The following RNF17 variants were observed in gnomAD, a reference collection of about 807,000 sequenced individuals.
RNF17 encodes spermatogenesis associated 23.
RNF17 carries 31 observed loss-of-function variants against 200.5 expected under a neutral mutation model. The ratio of observed to expected loss-of-function variants is 0.15; its 90% CI spans 0.12 to 0.21. The LOEUF is 0.21. Among genes scored for constraint, RNF17 ranks in the 10% least tolerant of loss-of-function variants. The pLI, the probability that RNF17 is intolerant of heterozygous loss-of-function variation, is 1.00. For missense variants in RNF17, 1,628 were observed against 1,905.1 expected (o/e 0.85, Z 2.71); for synonymous variants, 606 against 637.8 (o/e 0.95, Z 0.75).
At chr13:24,858,736 A>C (rs1343460539) in intron 25 of RNF17, among the ~76,000 whole-genome samples, 2 of 152,110 alleles carry the variant, frequency 1.3e-5, no homozygotes, top group Non-Finnish European at 2.9e-5. Context: ...AACTGACCCT[A>C]TTTTGAATTG....
At chr13:24,848,339 C>G (rs1226574481) in intron 22 of RNF17, among the ~76,000 whole-genome samples, 2 of 152,024 alleles carry the variant, frequency 1.3e-5, no homozygotes. Flanking sequence ...ACCCTTTTAC[C>G]ATTCTTAAGT....
At chr13:24,768,287 C>T (rs369060895) in intron 2 of RNF17, among the ~76,000 whole-genome samples, 4 of 136,284 alleles carry the variant, frequency 2.9e-5, no homozygotes, top group East Asian at 4.2e-4. Flanking sequence ...CTGTAAATTC[C>T]TTTTTTTTTT....
At chr13:24,829,115 C>A (rs1889100430) in intron 16 of RNF17, among the ~76,000 whole-genome samples, 1 of 152,140 alleles carries the variant, frequency 6.6e-6, no homozygotes, top group Admixed American at 6.5e-5. Context: ...TCCAATTGGG[C>A]TGCTTACCCC....
At chr13:24,755,316 T>C in the RNF17 span, among the ~76,000 whole-genome samples, 37 of 152,332 alleles carry the variant, frequency 2.4e-4, no homozygotes, top group Middle Eastern at 6.8e-3. Context: ...TTTGTCAGCT[T>C]ACTCTCCAAA....
intron 1 of RNF17, 98 bp from the exon 2 acceptor site, chr13:24,767,174 A>G (rs550009822): frequency 1.3e-6 from 1 of 760,924 alleles, no homozygotes; most frequent in Non-Finnish European, 2.2e-6. Flanking sequence ...GGCTGCAGTG[A>G]GCTGGTGCCA....
chr13:24,762,597 G>A (rs552147833), upstream of RNF17, among the ~76,000 whole-genome samples: 14 of 152,146 alleles, frequency 9.2e-5, no homozygotes, highest in East Asian at 2.5e-3. Flanking sequence ...CTTTTCTCTC[G>A]AAGACAACAA....
upstream of RNF17, chr13:24,764,107 T>C: frequency 8.3e-7 from 1 of 1,201,552 alleles, no homozygotes; most frequent in African/African-American, 1.5e-5. Context: ...GGCCCACTGT[T>C]TGGCTATCTG....
intron 13 of RNF17, 56 bp downstream of exon 13, chr13:24,800,590 T>C (rs115705823): frequency 2.7e-6 from 4 of 1,470,426 alleles, no homozygotes; most frequent in Non-Finnish European, 3.7e-6. Flanking sequence ...TTTAGCTATG[T>C]ATTGCCAGTT....
At chr13:24,872,687 T>C (rs530360289) in intron 32 of RNF17, among the ~76,000 whole-genome samples, 18 of 152,312 alleles carry the variant, frequency 1.2e-4, no homozygotes, top group African/African-American at 4.1e-4. Context: ...GGAGTGTGTG[T>C]AATGCCGTAG....
chr13:24,884,796 A>G (rs1235801220), downstream of RNF17, among the ~76,000 whole-genome samples: 1 of 152,206 alleles, frequency 6.6e-6, no homozygotes, highest in Non-Finnish European at 1.5e-5. Context: ...CTCCAACCCT[A>G]TAATTTCAAT....
At chr13:24,824,143 G>A in intron 15 of RNF17, 1 of 704,740 alleles carries the variant, frequency 1.4e-6, no homozygotes, top group Non-Finnish European at 2.6e-6. Flanking sequence ...TTAGAAAATT[G>A]CTTTTACTTC....
intron 2 of RNF17, among the ~76,000 whole-genome samples, chr13:24,772,238 A>G (rs1012792983): frequency 6.6e-6 from 1 of 152,160 alleles, no homozygotes; most frequent in Non-Finnish European, 1.5e-5. Flanking sequence ...ATAGTGTTTT[A>G]ATTATTACAG....
At chr13:24,837,316 A>G (rs1890122810) in intron 18 of RNF17, among the ~76,000 whole-genome samples, 1 of 152,220 alleles carries the variant, frequency 6.6e-6, no homozygotes, top group South Asian at 2.1e-4. Context: ...TAGACAGGTC[A>G]TCAAGACAGT....
chr13:24,810,341 T>A (rs1390660882), intron 15 of RNF17, among the ~76,000 whole-genome samples: 309 of 136,494 alleles, frequency 2.3e-3, no homozygotes, highest in African/African-American at 8.4e-3. Flanking sequence ...TGGGTGCATA[T>A]ATATTTAGGA....
intron 15 of RNF17, among the ~76,000 whole-genome samples, chr13:24,823,842 T>G (rs7334956): frequency 0.98 from 149,632 of 152,312 alleles, 73,542 homozygotes; most frequent in Middle Eastern, 1. Context: ...CTTCCAAGCA[T>G]CTGTGCTTGG....
chr13:24,802,788 C>A (rs1885408516), intron 14 of RNF17, among the ~76,000 whole-genome samples: 1 of 152,174 alleles, frequency 6.6e-6, no homozygotes, highest in Non-Finnish European at 1.5e-5. Flanking sequence ...GGGCGTCTCA[C>A]AACTGTAATT....
intron 32 of RNF17, 70 bp downstream of exon 32, chr13:24,870,809 A>G: frequency 7.9e-7 from 1 of 1,267,694 alleles, no homozygotes; most frequent in Non-Finnish European, 1.1e-6. Flanking sequence ...TGGGCTGATG[A>G]CCTTGGGCTA....
At chr13:24,826,096 A>G in intron 16 of RNF17, 1 of 985,012 alleles carries the variant, frequency 1.0e-6, no homozygotes, top group African/African-American at 1.7e-5. Flanking sequence ...TTTGATTGTC[A>G]AGGTACAAAT....
chr13:24,760,461 T>G (rs765247480), upstream of RNF17, among the ~76,000 whole-genome samples: 1 of 152,220 alleles, frequency 6.6e-6, no homozygotes, highest in African/African-American at 2.4e-5. Flanking sequence ...TCTCACATTA[T>G]ATGCAAAAAT....
Sources: allele counts gnomAD v4.1 joint callset (sites outside exome capture counted in the v4.1 genomes callset), GRCh38; gene constraint gnomAD v4.1.1; transcripts MANE v1.5; gene names NCBI Gene and HGNC (gene_info 2026-07-23, HGNC 2026-07-21).